HHAT: variants seen among roughly 807,000 people sequenced by gnomAD.
HHAT encodes the protein hedgehog acyltransferase.
In HHAT, 47 loss-of-function variants were observed where a neutral mutation model predicts 70.8. That is an observed-to-expected ratio of 0.66 (90% CI 0.53 to 0.85). The LOEUF is 0.85. HHAT is among the 40% of genes least tolerant of loss of function. The pLI is 0.00. For missense variants in HHAT, 609 were observed against 604.8 expected (o/e 1.01, Z -0.07); for synonymous variants, 228 against 247.6 (o/e 0.92, Z 0.74).
chr1:210,654,171 C>T (rs79471364), intron 11 of HHAT, among the ~76,000 whole-genome samples: 1 of 66 alleles, frequency 0.015, no homozygotes, highest in African/African-American at 0.062. Context: ...AGTGTGACAG[C>T]AGAATAGTGT....
chr1:210,519,022 G>A (rs1011471891), intron 9 of HHAT, among the ~76,000 whole-genome samples: 1 of 152,192 alleles, frequency 6.6e-6, no homozygotes, highest in African/African-American at 2.4e-5. Flanking sequence ...AGAGTCTTGG[G>A]AGGTCATTTC....
rs369198587 is a variant in HHAT at position 210,370,526 on chromosome 1, AAGAG to A, written c.159+7615_159+7618del. Among the ~76,000 whole-genome samples the A allele has an allele frequency of 2.3e-3, 347 of 151,636 alleles. 1 individual carries two copies. Among genetic ancestry groups the A allele is most frequent in the Non-Finnish European group, 4.2e-3 (282 of 67,940 alleles). On this transcript the variant is annotated intron_variant, in intron 3 of 11. Coordinates refer to ENST00000261458, the MANE Select transcript of HHAT (RefSeq NM_018194.6). ...ATATTTCCCATGAACTACTAGATAG[AAGAG>A]AGAGAGAACAGAGCAGGGTACCTGG...
chr1:210,388,470 T>C (rs1018000751), intron 4 of HHAT, among the ~76,000 whole-genome samples: 3 of 152,142 alleles, frequency 2.0e-5, no homozygotes, highest in African/African-American at 4.8e-5. Flanking sequence ...TTCCTGAAAA[T>C]TGGCGTTTCC....
At chr1:210,466,861 T>G (rs1419611396) in intron 8 of HHAT, among the ~76,000 whole-genome samples, 3 of 152,204 alleles carry the variant, frequency 2.0e-5, no homozygotes, top group Admixed American at 2.0e-4. Context: ...CTGTCTTGAT[T>G]AGAACTAGAC....
chr1:210,357,934 G>A (rs1383589572), intron 2 of HHAT, among the ~76,000 whole-genome samples: 3 of 152,144 alleles, frequency 2.0e-5, no homozygotes, highest in African/African-American at 7.2e-5. Flanking sequence ...TCTTGTTAAT[G>A]TGCCTTTTGT....
rs565781115 is a variant in HHAT at position 210,493,485 on chromosome 1, A to G, written c.1008-19668A>G. Reference sequence around the variant, plus strand: ...CACATTATGGAGGGTAATCTGCTTTATTCCAGGTCTACTGATTTAAATGTT... The same window carrying G: ...CACATTATGGAGGGTAATCTGCTTTGTTCCAGGTCTACTGATTTAAATGTT... On this transcript the variant is annotated intron_variant, in intron 8 of 11. Transcript: ENST00000261458. 2.0e-5 allele frequency among the ~76,000 whole-genome samples: 3 copies of G among 152,282 alleles called. No homozygotes were observed. The South Asian group carries it at 6.2e-4, about 32-fold the overall frequency.
At chr1:210,645,705 G>A (rs904135790) in intron 11 of HHAT, among the ~76,000 whole-genome samples, 3 of 152,090 alleles carry the variant, frequency 2.0e-5, no homozygotes, top group Non-Finnish European at 4.4e-5. Context: ...TCTGCTTTGT[G>A]CCACTCAAGG....
At position 210,466,102 on chromosome 1, in the gene HHAT, T is replaced by TGCAAGGAATC. The variant is rs552560470; in HGVS notation, c.1007+1467_1007+1476dup. Among the ~76,000 whole-genome samples the TGCAAGGAATC allele has an allele frequency of 2.0e-3, 294 of 148,342 alleles. 5 individuals carry two copies. The highest frequency in any genetic ancestry group is 7.1e-3 in the African/African-American group (280 of 39,586). On this transcript the variant is annotated intron_variant, in intron 8 of 11. Coordinates refer to ENST00000261458, the MANE Select transcript of HHAT (RefSeq NM_018194.6). Reference sequence around the variant, plus strand: ...TTGCAAGGAATGAATTGCAAGGAATTGCAAGGAATCGCAAGGAATCGCAAG... The same window carrying TGCAAGGAATC: ...TTGCAAGGAATGAATTGCAAGGAATTGCAAGGAATCGCAAGGAATCGCAAGGAATCGCAAG...
chr1:210,563,672 G>T (rs1332535197), intron 9 of HHAT, among the ~76,000 whole-genome samples: 2 of 152,246 alleles, frequency 1.3e-5, no homozygotes, highest in East Asian at 3.9e-4. Context: ...GTGAAGGAGA[G>T]AACTTGGTTT....
At chr1:210,422,757 C>T (rs2092944046) in intron 7 of HHAT, among the ~76,000 whole-genome samples, 1 of 152,168 alleles carries the variant, frequency 6.6e-6, no homozygotes, top group East Asian at 1.9e-4. Context: ...TTACCTCAGC[C>T]TCCTGAGTAG....
chr1:210,609,472 T>G (rs931733081), intron 10 of HHAT, among the ~76,000 whole-genome samples: 2 of 152,200 alleles, frequency 1.3e-5, no homozygotes, highest in African/African-American at 4.8e-5. Context: ...TGCAGTGTTA[T>G]CAGTGAGCAT....
At chr1:210,360,304 G>GTTTTTTTTTTTTTTTTTTTTTTTTT (rs398053777) in intron 2 of HHAT, among the ~76,000 whole-genome samples, 1 of 138,176 alleles carries the variant, frequency 7.2e-6, no homozygotes, top group African/African-American at 2.6e-5. Flanking sequence ...TTGTTTTTGT[G>GTTTTTTTTTTTTTTTTTTTTTTTTT]TTTTTTTTTT....
At chr1:210,329,651 C>T (rs780742444) in intron 1 of HHAT, among the ~76,000 whole-genome samples, 2 of 152,212 alleles carry the variant, frequency 1.3e-5, no homozygotes, top group Non-Finnish European at 2.9e-5. Flanking sequence ...TACCTGTGTA[C>T]ATTGCTCTTG....
intron 2 of HHAT, among the ~76,000 whole-genome samples, chr1:210,356,087 C>T (rs946950513): frequency 1.0e-4 from 14 of 138,738 alleles, no homozygotes; most frequent in Admixed American, 8.3e-4. Flanking sequence ...TGCACACTTG[C>T]TTGGCTATTT....
chr1:210,574,622 A>G (rs1418470944), intron 9 of HHAT, among the ~76,000 whole-genome samples: 2 of 152,212 alleles, frequency 1.3e-5, no homozygotes, highest in Non-Finnish European at 2.9e-5. Flanking sequence ...CCAACCGACC[A>G]GACTTTGTGT....
chr1:210,329,833 A>G (rs945154462), intron 1 of HHAT, among the ~76,000 whole-genome samples: 1 of 152,136 alleles, frequency 6.6e-6, no homozygotes, highest in African/African-American at 2.4e-5. Flanking sequence ...CTGCAACCTC[A>G]GCATCCCGGT....
chr1:210,490,570 AAC>A (rs1442260686), intron 8 of HHAT, among the ~76,000 whole-genome samples: 1 of 152,186 alleles, frequency 6.6e-6, no homozygotes, highest in Non-Finnish European at 1.5e-5. Flanking sequence ...GGCCAAATCA[AAC>A]ACCTTAGCAA....
At chr1:210,663,352 G>A (rs901229619) in intron 11 of HHAT, among the ~76,000 whole-genome samples, 2 of 152,150 alleles carry the variant, frequency 1.3e-5, no homozygotes, top group African/African-American at 4.8e-5. Context: ...AGGATTTAAA[G>A]GAAAAGAATC....
chr1:210,671,576 A>G (rs1308171229), intron 11 of HHAT, among the ~76,000 whole-genome samples: 1 of 152,178 alleles, frequency 6.6e-6, no homozygotes, highest in African/African-American at 2.4e-5. Context: ...CTTTAAATCC[A>G]ATGATTGGTG....
Sources: allele counts gnomAD v4.1 joint callset (sites outside exome capture counted in the v4.1 genomes callset), GRCh38; gene constraint gnomAD v4.1.1; transcripts MANE v1.5; gene names NCBI Gene and HGNC (gene_info 2026-07-23, HGNC 2026-07-21).